The following DBN1 variants were observed in gnomAD, a reference collection of about 807,000 sequenced individuals.
DBN1 encodes the protein drebrin.
Under a neutral mutation model 83.5 loss-of-function variants are expected in DBN1, and 21 were observed. That is an observed-to-expected ratio of 0.25 (90% CI 0.18 to 0.36). The LOEUF is 0.36. DBN1 is among the 10% of genes least tolerant of loss of function. The pLI, the probability that DBN1 is intolerant of heterozygous loss-of-function variation, is 1.00. For synonymous variants in DBN1, 381 were observed against 384.9 expected, an observed-to-expected ratio of 0.99 and a Z score of 0.12; for missense variants, 874 against 935.7, an observed-to-expected ratio of 0.93 and a Z score of 0.86.
At chr5:177,472,184 A>T (rs1014666334) in intron 1 of DBN1, 1 of 1,613,372 alleles carries the variant, frequency 6.2e-7, no homozygotes, top group Non-Finnish European at 8.5e-7. Flanking sequence ...CCAGTGCTGC[A>T]GTACCATGCC....
intron 1 of DBN1, chr5:177,472,175 C>T: frequency 6.2e-7 from 1 of 1,613,584 alleles, no homozygotes; most frequent in Non-Finnish European, 8.5e-7. Flanking sequence ...GGCTGCTGGC[C>T]AGTGCTGCAG....
chr5:177,467,033 C>G lies in DBN1; in HGVS notation c.585G>C (p.Glu195Asp). The G allele has an allele frequency of 6.2e-7, 1 of 1,613,950 alleles. No individual in the cohort carries two copies. Among genetic ancestry groups the G allele is most frequent in the Non-Finnish European group, 8.5e-7 (1 of 1,179,954 alleles). ...KKEEELRKEE[E>D]RKKALDERLR... The stretch of plus-strand genomic sequence containing the variant: ...GCCTCTCATCCAGGGCCTTCTTCCG[C>G]TCCTCCTCCTTCCGCAGCTCTTCTT... Residue 195 changes from glutamate (E) to aspartate (D), a missense_variant, in exon 7 of 15, where the codon GAG becomes GAC. Coordinates refer to ENST00000393565, the MANE Select transcript of DBN1 (RefSeq NM_001363541.2). The surrounding 1 kb of genome is among the most constrained non-coding windows in gnomAD (Gnocchi z 9.1).
intron 1 of DBN1, among the ~76,000 whole-genome samples, chr5:177,470,495 A>G (rs974128827): frequency 6.6e-6 from 1 of 151,942 alleles, no homozygotes; most frequent in Non-Finnish European, 1.5e-5. Context: ...GCTCTCCCCC[A>G]GCAGAAACCA....
Position 177,458,024 on chromosome 5 carries a change from T to C in DBN1, c.1914+34A>G, listed in dbSNP as rs757253169. The C allele has an allele frequency of 2.6e-6, 4 of 1,528,942 alleles. No homozygotes were observed. The Admixed American group carries it at 5.0e-5, about 19-fold the overall frequency. 94.7% of individuals were successfully genotyped at this position (1,528,942 alleles called of 1,614,324 possible). A position where few individuals can be genotyped will look rare whatever the true frequency, so the allele number is the denominator to read the frequency against. ...AGCACCCTGCTCAGCCCCCACTCCC[T>C]CCCATCCCTCCCACCAGGCAGTCCC... On this transcript the variant is annotated intron_variant, in intron 13 of 14. Coordinates refer to ENST00000393565, the MANE Select transcript of DBN1 (RefSeq NM_001363541.2).
In DBN1 at chr5:177,467,893, G is replaced by C; in HGVS notation, c.256-76C>G. The C allele has an allele frequency of 4.5e-6, 7 of 1,542,456 alleles. No homozygotes were observed. The highest frequency in any genetic ancestry group is 6.2e-6 in the Non-Finnish European group (7 of 1,121,844). On this transcript the variant is annotated intron_variant, in intron 3 of 14. Coordinates refer to ENST00000393565, the MANE Select transcript of DBN1 (RefSeq NM_001363541.2). The surrounding 1 kb of genome is among the most constrained non-coding windows in gnomAD (Gnocchi z 9.1). ...ACACGATAGGGTGCATCTTCCCCGG[G>C]GTGGGAAGAGGGTGGGCTTCCCTCT...
At chr5:177,473,035 C>A (rs1002399366) in intron 1 of DBN1, 17 of 167,066 alleles carry the variant, frequency 1.0e-4, no homozygotes, top group Non-Finnish European at 1.6e-4. Flanking sequence ...GCCCCGTCCC[C>A]GCCCGGACCT....
Position 177,472,872 on chromosome 5 carries a change from G to C in DBN1, c.86+564C>G, listed in dbSNP as rs917720958. The C allele has an allele frequency of 1.8e-5, 18 of 985,546 alleles. 1 individual carries two copies. The highest frequency in any genetic ancestry group is 5.2e-4 in the Middle Eastern group (1 of 1,912). 61.1% of individuals were successfully genotyped at this position (985,546 alleles called of 1,614,324 possible). On this transcript the variant is annotated intron_variant, in intron 1 of 14. Coordinates refer to ENST00000393565, the MANE Select transcript of DBN1 (RefSeq NM_001363541.2). ...CCACCTCACTCCAGCCCAGGTTTCG[G>C]GGGGAGGGCGGCCCACTCCGAGAGG...
rs1436088547 is a variant in DBN1 at position 177,473,535 on chromosome 5, C to T, written c.-14G>A. 2.2e-6 allele frequency: 3 copies of T among 1,383,136 alleles called. No homozygotes were observed. Among genetic ancestry groups the T allele is most frequent in the African/African-American group, 3.0e-5 (2 of 66,890 alleles). The allele number at this position is 1,383,136 out of a possible 1,614,324, so 85.7% of individuals were successfully genotyped here. ...GACGCCGGCCATGCTTCGGGCCGGA[C>T]CGGGCCGAACGGACAGACGCGCGGA... is the stretch of plus-strand genomic sequence containing the variant. On this transcript the variant is annotated 5_prime_UTR_variant, in exon 1 of 15. Transcript: ENST00000393565.
rs745549110 is a variant in DBN1, at chr5:177,457,615, C to G, written c.2017+40G>C. The G allele has an allele frequency of 2.0e-6, 3 of 1,534,884 alleles. No individual in the cohort carries two copies. The South Asian group carries it at 3.4e-5, about 17-fold the overall frequency. ...GGCTACCCACACTCAAATCCAGCCC[C>G]CGCACCCAAATTCCTCCCCATCATC... On this transcript the variant is annotated intron_variant, in intron 14 of 14. Transcript: ENST00000393565.
At chr5:177,469,927 G>A (rs952179068) in intron 1 of DBN1, among the ~76,000 whole-genome samples, 1 of 152,214 alleles carries the variant, frequency 6.6e-6, no homozygotes, top group African/African-American at 2.4e-5. Flanking sequence ...GCTGTGAGGA[G>A]GGGAGGCAGA....
intron 1 of DBN1, chr5:177,472,074 G>A (rs763649483): frequency 1.3e-6 from 2 of 1,583,844 alleles, no homozygotes; most frequent in Non-Finnish European, 1.7e-6. Context: ...ACAATGGGTG[G>A]GCCGCCTGCC....
chr5:177,461,621 CCTT>C (rs1032615153), intron 8 of DBN1, among the ~76,000 whole-genome samples: 1 of 152,166 alleles, frequency 6.6e-6, no homozygotes, highest in African/African-American at 2.4e-5. Flanking sequence ...CAGAAGTGCT[CCTT>C]GTTTTGCAGA....
At chr5:177,463,719 G>A (rs1366910501) in intron 8 of DBN1, among the ~76,000 whole-genome samples, 1 of 152,194 alleles carries the variant, frequency 6.6e-6, no homozygotes, top group African/African-American at 2.4e-5. Context: ...TAAAATAATG[G>A]TAAGCTCCTT....
chr5:177,457,246 A>T lies in DBN1; in HGVS notation c.*187T>A, dbSNP rs552450248. ...TGTACAAGTCTCCTATCAACTTTTT[A>T]AAAAAAGAGAAAAGCTGTAAAAGTC... On this transcript the variant is annotated 3_prime_UTR_variant, in exon 15 of 15. Coordinates refer to ENST00000393565, the MANE Select transcript of DBN1 (RefSeq NM_001363541.2). The T allele has an allele frequency of 2.0e-4, 121 of 608,212 alleles. No individual in the cohort carries two copies. The highest frequency in any genetic ancestry group is 6.0e-4 in the South Asian group (31 of 51,862). The allele number at this position is 608,212 out of a possible 1,614,324, so 37.7% of individuals were successfully genotyped here.
In DBN1 at chr5:177,458,363, C is replaced by G. The variant is rs769132847; in HGVS notation, c.1609G>C (p.Gly537Arg). 1.2e-6 allele frequency: 2 copies of G among 1,613,822 alleles called. No homozygotes were observed. The highest frequency in any genetic ancestry group is 3.3e-5 in the Admixed American group (2 of 60,012). Residue 537 changes from glycine (G) to arginine (R), a missense_variant, in exon 13 of 15, where the codon GGT becomes CGT. Transcript: ENST00000393565. ...GGTGGCGTGGGGGCCCTGGGCTCAC[C>G]CTGGAGTGTGGAGGCCCCTTCCCCG... ...GNGEGASTLQGEPRAPTPPSG... is the reference protein window; with the variant it reads ...GNGEGASTLQREPRAPTPPSG...
intron 8 of DBN1, among the ~76,000 whole-genome samples, chr5:177,462,852 G>A (rs1389519493): frequency 3.3e-5 from 5 of 152,112 alleles, no homozygotes; most frequent in African/African-American, 1.2e-4. Flanking sequence ...CTCCTCCTCT[G>A]CCCTTGCTCT....
chr5:177,472,713 G>A (rs1384413701), intron 1 of DBN1: 2 of 879,124 alleles, frequency 2.3e-6, no homozygotes, highest in African/African-American at 3.7e-5. Context: ...TAGGCAGCTC[G>A]GTGCCCCCCA....
At chr5:177,471,497 C>G (rs1263380114) in intron 1 of DBN1, among the ~76,000 whole-genome samples, 1 of 152,088 alleles carries the variant, frequency 6.6e-6, no homozygotes, top group Non-Finnish European at 1.5e-5. Flanking sequence ...GGGGGGCAGA[C>G]AGCAATTTAC....
intron 8 of DBN1, among the ~76,000 whole-genome samples, chr5:177,465,827 C>T (rs983903554): frequency 1.3e-5 from 2 of 150,722 alleles, no homozygotes; most frequent in African/African-American, 2.5e-5. Context: ...TGCATTCTAC[C>T]CTGGGCGACA....
Sources: gnomAD v4.1 joint callset for allele counts (sites outside exome capture counted in the v4.1 genomes callset) on GRCh38, gnomAD v4.1.1 for gene constraint, Gnocchi (gnomAD v3.1) non-coding constraint, MANE v1.5 for transcripts, NCBI Gene and HGNC (gene_info 2026-07-23, HGNC 2026-07-21) for gene names.